CCDC77: variants seen among roughly 807,000 people sequenced by gnomAD.
CCDC77 encodes the protein coiled-coil domain-containing protein 77.
CCDC77 carries 56 observed loss-of-function variants against 66.8 expected under a neutral mutation model. The observed-to-expected ratio is 0.84, with a 90% CI of 0.68 to 1.05. The LOEUF is 1.05. Ranked by LOEUF, CCDC77 falls within the 50% of genes least tolerant of loss-of-function variation. The pLI is 0.00. For synonymous variants in CCDC77, 196 were observed against 195.2 expected (o/e 1.00, Z -0.03); for missense variants, 570 against 576.8 (o/e 0.99, Z 0.12).
rs115263258 is a variant in CCDC77 at position 434,719 on chromosome 12, G to T, written c.821+1397G>T. ...TCCTTATTATACTTAGTATCTTCCT[G>T]CATGTTTGGCATCACTGATCAGCCC... On this transcript the variant is annotated intron_variant, in intron 9 of 12. Coordinates refer to ENST00000239830, the MANE Select transcript of CCDC77 (RefSeq NM_032358.4). 3.3e-3 allele frequency among the ~76,000 whole-genome samples: 506 copies of T among 152,260 alleles called. 1 individual carries two copies. Among genetic ancestry groups the T allele is most frequent in the African/African-American group, 0.011 (471 of 41,542 alleles).
At chr12:409,935 T>G (rs1318588745) in intron 3 of CCDC77, among the ~76,000 whole-genome samples, 1 of 150,470 alleles carries the variant, frequency 6.6e-6, no homozygotes, top group East Asian at 2.0e-4. Context: ...TTGGTGGAGG[T>G]TGCAGTGAGC....
rs151037773 is a variant in CCDC77, at chr12:425,285, C to T, written c.414-3484C>T. On this transcript the variant is annotated intron_variant, in intron 5 of 12. Transcript: ENST00000239830. ...TCAAGTGCTCCGTTTTTAGCAGGAT[C>T]TACTAGCATGGCAGAAGCTGGTTTT... Among the ~76,000 whole-genome samples the T allele has an allele frequency of 9.5e-3, 1,265 of 133,124 alleles. 9 individuals are homozygous for T. The highest frequency in any genetic ancestry group is 0.013 in the Non-Finnish European group (875 of 67,518). The allele number at this position is 133,124 out of a possible 152,430, so 87.3% of individuals were successfully genotyped here.
Position 436,288 on chromosome 12 carries a change from T to A in CCDC77, c.822-2047T>A, listed in dbSNP as rs572278330. Reference sequence around the variant, plus strand: ...GCCCACCACCACGCCCGGCTAATTTTTTTTTTTTAATTGTATTTTTAGTAG... The same window carrying A: ...GCCCACCACCACGCCCGGCTAATTTATTTTTTTTAATTGTATTTTTAGTAG... On this transcript the variant is annotated intron_variant, in intron 9 of 12. Coordinates refer to ENST00000239830, the MANE Select transcript of CCDC77 (RefSeq NM_032358.4). Among the ~76,000 whole-genome samples the A allele has an allele frequency of 3.3e-5, 5 of 151,988 alleles. No individual in the cohort carries two copies. In the South Asian group the frequency reaches 1.0e-3, roughly 32 times the overall value.
chr12:403,535 C>A (rs1421217281), intron 1 of CCDC77, among the ~76,000 whole-genome samples: 1 of 152,176 alleles, frequency 6.6e-6, no homozygotes, highest in Non-Finnish European at 1.5e-5. Context: ...ACTCTGTCAC[C>A]TAGGCTGGAG....
At chr12:423,751 C>T (rs1945480514) in intron 5 of CCDC77, among the ~76,000 whole-genome samples, 1 of 151,606 alleles carries the variant, frequency 6.6e-6, no homozygotes, top group African/African-American at 2.4e-5. Context: ...CCCACCTTGG[C>T]TTCCCGAAGT....
At chr12:422,427 C>T (rs796366451) in intron 5 of CCDC77, among the ~76,000 whole-genome samples, 29 of 152,248 alleles carry the variant, frequency 1.9e-4, no homozygotes, top group African/African-American at 6.8e-4. Context: ...AACAGTAACT[C>T]CCACATCCCC....
chr12:423,484 T>TG lies in CCDC77; in HGVS notation c.413+4848_413+4849insG, dbSNP rs1565572220. Among the ~76,000 whole-genome samples, 85 of 33,718 alleles carry TG rather than the reference T, an allele frequency of 2.5e-3. 6 individuals are homozygous for TG. The highest frequency in any genetic ancestry group is 3.4e-3 in the Non-Finnish European group (55 of 16,380). 22.1% of individuals were successfully genotyped at this position (33,718 alleles called of 152,430 possible). A position where few individuals can be genotyped will look rare whatever the true frequency, so the allele number is the denominator to read the frequency against. ...GTGTTTTTTGTGTTTTTTGTGTTTT[T>TG]TTTTGTTTTGTTTTTTTTTTTTTTT... On this transcript the variant is annotated intron_variant, in intron 5 of 12. Transcript: ENST00000239830.
intron 1 of CCDC77, among the ~76,000 whole-genome samples, chr12:393,215 A>G (rs1000591107): frequency 2.6e-5 from 4 of 152,090 alleles, no homozygotes; most frequent in Non-Finnish European, 4.4e-5. Context: ...GGCTCAGGCA[A>G]TCCTCCTGCC....
At chr12:396,606 G>C (rs1413785286) in intron 1 of CCDC77, among the ~76,000 whole-genome samples, 1 of 152,078 alleles carries the variant, frequency 6.6e-6, no homozygotes, top group Non-Finnish European at 1.5e-5. Flanking sequence ...ACTGAGCAAG[G>C]GACAACTGTA....
chr12:394,186 G>A (rs893346261), intron 1 of CCDC77, among the ~76,000 whole-genome samples: 6 of 152,282 alleles, frequency 3.9e-5, no homozygotes, highest in Non-Finnish European at 7.4e-5. Context: ...ACCATAGTTT[G>A]TCTGTTAGTC....
intron 7 of CCDC77, 143 bp downstream of exon 7, chr12:430,879 G>C: frequency 1.6e-6 from 1 of 642,530 alleles, no homozygotes; most frequent in Non-Finnish European, 2.8e-6. Context: ...AGGAGTTCGA[G>C]ACCAGCCTGG....
At chr12:416,375 G>GTATA (rs1489079419) in intron 4 of CCDC77, among the ~76,000 whole-genome samples, 56 of 20,574 alleles carry the variant, frequency 2.7e-3, no homozygotes, top group Non-Finnish European at 4.4e-3. Context: ...GTGTGTGTGT[G>GTATA]TGTATATATA....
At chr12:406,456 C>A (rs1269586254) in intron 2 of CCDC77, among the ~76,000 whole-genome samples, 1 of 152,116 alleles carries the variant, frequency 6.6e-6, no homozygotes, top group Non-Finnish European at 1.5e-5. Flanking sequence ...CCGCAGTGAA[C>A]AAGGATAAGA....
intron 5 of CCDC77, among the ~76,000 whole-genome samples, chr12:427,499 G>T (rs553709258): frequency 4.6e-4 from 65 of 140,330 alleles, no homozygotes; most frequent in African/African-American, 1.7e-3. Flanking sequence ...TTTTGAGACA[G>T]AGTCTTGCTC....
At chr12:410,487 T>C (rs1384157909) in intron 3 of CCDC77, among the ~76,000 whole-genome samples, 3 of 150,542 alleles carry the variant, frequency 2.0e-5, no homozygotes, top group Non-Finnish European at 4.4e-5. Flanking sequence ...AGGTTGGTCT[T>C]GAACTCCTGA....
intron 4 of CCDC77, among the ~76,000 whole-genome samples, chr12:413,302 T>C (rs1231484055): frequency 1.3e-4 from 19 of 143,992 alleles, no homozygotes; most frequent in South Asian, 4.5e-4. Flanking sequence ...AGTGGCGCGA[T>C]CTCAGCTCAC....
intron 4 of CCDC77, among the ~76,000 whole-genome samples, chr12:413,329 C>G (rs556088360): frequency 6.8e-6 from 1 of 146,908 alleles, no homozygotes; most frequent in South Asian, 2.2e-4. Flanking sequence ...CTCCGCCTCC[C>G]GGGTTCACGC....
At chr12:426,020 C>T (rs1225169354) in intron 5 of CCDC77, among the ~76,000 whole-genome samples, 2 of 152,152 alleles carry the variant, frequency 1.3e-5, no homozygotes, top group African/African-American at 2.4e-5. Flanking sequence ...CACGCTATCA[C>T]GCCCAGCTAA....
At chr12:417,176 G>A (rs1158031663) in intron 4 of CCDC77, among the ~76,000 whole-genome samples, 1 of 151,614 alleles carries the variant, frequency 6.6e-6, no homozygotes. Context: ...AGAATAGAGT[G>A]GAATCATACT....
Sources: gnomAD v4.1 joint callset for allele counts (sites outside exome capture counted in the v4.1 genomes callset) on GRCh38, gnomAD v4.1.1 for gene constraint, MANE v1.5 for transcripts, NCBI Gene and HGNC (gene_info 2026-07-23, HGNC 2026-07-21) for gene names.